The following AMZ1 variants were observed in gnomAD, a reference collection of about 807,000 sequenced individuals.
AMZ1 encodes archaelysin family metallopeptidase 1.
A neutral mutation model predicts 29.9 loss-of-function variants in AMZ1; 39 were observed. The ratio of observed to expected loss-of-function variants is 1.30; its 90% CI spans 1.01 to 1.70. AMZ1 has a LOEUF of 1.70. AMZ1 is among the 40% of genes most tolerant of loss of function. The pLI is 0.00. For missense variants in AMZ1, 1,041 were observed against 680.6 expected (o/e 1.53, Z -5.89); for synonymous variants, 458 against 304.0 (o/e 1.51, Z -5.27).
At chr7:2,733,466 G>C (rs368804687) in intron 4 of AMZ1, 2 of 1,613,778 alleles carry the variant, frequency 1.2e-6, no homozygotes, top group African/African-American at 2.7e-5. Flanking sequence ...GGCCGATCCG[G>C]TCCAAGTTGT....
intron 4 of AMZ1, among the ~76,000 whole-genome samples, chr7:2,724,888 AG>A (rs1789558362): frequency 6.6e-6 from 1 of 152,072 alleles, no homozygotes; most frequent in African/African-American, 2.4e-5. Context: ...TAAGCATGGG[AG>A]CGATTCTCGT....
At chr7:2,699,557 G>C (rs1787932050) in intron 1 of AMZ1, among the ~76,000 whole-genome samples, 1 of 151,964 alleles carries the variant, frequency 6.6e-6, no homozygotes, top group African/African-American at 2.4e-5. Flanking sequence ...ATGCTTGCTG[G>C]GCGCACAGGG....
Position 2,717,804 on chromosome 7 carries a change from C to T in AMZ1, c.*4926C>T, listed in dbSNP as rs1028794392. ...GGAAGAATGGAGGTTTATTTTTGAA[C>T]TCAGCTTCTTGGGTAGGGAGGCAAA... On this transcript the variant is annotated 3_prime_UTR_variant, in exon 7 of 7. Coordinates refer to ENST00000683327, the MANE Select transcript of AMZ1 (RefSeq NM_001384743.1). 6.6e-6 allele frequency among the ~76,000 whole-genome samples: 1 copy of T among 152,170 alleles called. No homozygotes were observed. The highest frequency in any genetic ancestry group is 1.5e-5 in the Non-Finnish European group (1 of 68,028).
rs750082693 is a variant in AMZ1, at chr7:2,712,515, C to A, written c.1134C>A (p.Ala378=). The change falls in exon 7 of 7, where the codon GCC becomes GCA. Residue 378 remains alanine, a synonymous_variant. Transcript: ENST00000683327. ...CTGATGCCGGGAGTCACACCTTCGCCTCGGGGCCAGAGGAAGGGCTGAGCT... is the reference window on the plus strand; with the variant it reads ...CTGATGCCGGGAGTCACACCTTCGCATCGGGGCCAGAGGAAGGGCTGAGCT... ...LTPDAGSHTF[A]SGPEEGLSYL... 6.2e-7 allele frequency: 1 copy of A among 1,608,820 alleles called. No homozygotes were observed. Among genetic ancestry groups the A allele is most frequent in the East Asian group, 2.2e-5 (1 of 44,756 alleles).
rs759678739 is a variant in AMZ1, at chr7:2,709,722, T to A, written c.854T>A (p.Leu285Gln). The part of the protein sequence containing the change: ...LRCLMQGALS[L>Q]DEALRRPLDL... ...TGCCTCATGCAGGGTGCGCTCAGCC[T>A]GGACGAGGCCCTGCGGCGGCCCCTG... Residue 285 changes from leucine to glutamine, a missense_variant, in exon 6 of 7, where the codon CTG becomes CAG. Coordinates refer to ENST00000683327, the MANE Select transcript of AMZ1 (RefSeq NM_001384743.1). 14 of 1,611,328 alleles carry A rather than the reference T, an allele frequency of 8.7e-6. No homozygotes were observed. The highest frequency in any genetic ancestry group is 1.1e-5 in the Non-Finnish European group (13 of 1,179,856).
intron 4 of AMZ1, among the ~76,000 whole-genome samples, chr7:2,755,688 T>C (rs1362925390): frequency 1.3e-5 from 2 of 152,202 alleles, no homozygotes; most frequent in Non-Finnish European, 2.9e-5. Context: ...ACAGGAACAG[T>C]CATATTTCTT....
At chr7:2,725,924 A>G (rs1271117227) in intron 4 of AMZ1, among the ~76,000 whole-genome samples, 1 of 122,300 alleles carries the variant, frequency 8.2e-6, no homozygotes. Flanking sequence ...CGCCCGCTGC[A>G]GTCCCCCCAC....
chr7:2,741,356 TA>T (rs35580979), intron 4 of AMZ1, among the ~76,000 whole-genome samples: 1 of 151,700 alleles, frequency 6.6e-6, no homozygotes, highest in Non-Finnish European at 1.5e-5. Flanking sequence ...CACTGTCTCT[TA>T]AAAAAAACCC....
chr7:2,719,188 G>A lies in AMZ1; in HGVS notation c.*6310G>A, dbSNP rs373506982. On this transcript the variant is annotated 3_prime_UTR_variant, in exon 7 of 7. Coordinates refer to ENST00000683327, the MANE Select transcript of AMZ1 (RefSeq NM_001384743.1). The stretch of plus-strand genomic sequence containing the variant: ...TGTCGGCTGCCAACCCAACTCCTCC[G>A]ACAGAACGGCAGGTGGCCCCTGTCG... 7.2e-5 allele frequency among the ~76,000 whole-genome samples: 11 copies of A among 152,146 alleles called. No individual in the cohort carries two copies. The highest frequency in any genetic ancestry group is 2.7e-4 in the African/African-American group (11 of 41,432).
chr7:2,709,738 G>C lies in AMZ1; in HGVS notation c.870G>C (p.Arg290=), dbSNP rs1483085626. 1 of 1,611,498 alleles carries C rather than the reference G, an allele frequency of 6.2e-7. No individual in the cohort carries two copies. The highest frequency in any genetic ancestry group is 8.5e-7 in the Non-Finnish European group (1 of 1,179,872). The change falls in exon 6 of 7, where the codon CGG becomes CGC. Residue 290 remains arginine (R), a synonymous_variant. Transcript: ENST00000683327. The part of the protein sequence containing the change: ...QGALSLDEAL[R]RPLDLCPICL... ...CGCTCAGCCTGGACGAGGCCCTGCG[G>C]CGGCCCCTGGACCTCTGTCCCATCT...
In AMZ1 at chr7:2,693,640, C is replaced by G. The variant is rs543741822; in HGVS notation, c.-219+5344C>G. 2.0e-5 allele frequency among the ~76,000 whole-genome samples: 3 copies of G among 152,322 alleles called. No individual in the cohort carries two copies. In the South Asian group the frequency reaches 6.2e-4, roughly 32 times the overall value. On this transcript the variant is annotated intron_variant, in intron 1 of 6. Coordinates refer to ENST00000683327, the MANE Select transcript of AMZ1 (RefSeq NM_001384743.1). Reference sequence around the variant, plus strand: ...GCGCGATCTCCGCTCACTGCAAGCTCCGCCTCCCGGGTTCACTCCATTCTC... The same window carrying G: ...GCGCGATCTCCGCTCACTGCAAGCTGCGCCTCCCGGGTTCACTCCATTCTC...
At chr7:2,687,226 C>T (rs984019823), upstream of AMZ1, among the ~76,000 whole-genome samples, 5 of 152,034 alleles carry the variant, frequency 3.3e-5, no homozygotes, top group South Asian at 2.1e-4. Flanking sequence ...ACTCAGGCGG[C>T]TGAGGCAGAA....
In AMZ1 at chr7:2,708,583, C is replaced by A. The variant is rs377680143; in HGVS notation, c.473-5C>A. On this transcript the variant is annotated splice_region_variant and splice_polypyrimidine_tract_variant and intron_variant, in intron 3 of 6. Coordinates refer to ENST00000683327, the MANE Select transcript of AMZ1 (RefSeq NM_001384743.1). ...TGACCCCATCCTCTGGCCCTCTCCC[C>A]GCAGACGGCATCCTGTCCTTCTTGA... The A allele has an allele frequency of 2.5e-6, 4 of 1,612,106 alleles. No individual in the cohort carries two copies. Among genetic ancestry groups the A allele is most frequent in the Middle Eastern group, 1.7e-4 (1 of 6,018 alleles).
chr7:2,736,137 T>G (rs1029936990), intron 4 of AMZ1, among the ~76,000 whole-genome samples: 1 of 152,180 alleles, frequency 6.6e-6, no homozygotes, highest in Non-Finnish European at 1.5e-5. Flanking sequence ...ACTAAGAGAA[T>G]TCAGTCATTT....
At chr7:2,747,832 A>T (rs1790841905) in intron 4 of AMZ1, among the ~76,000 whole-genome samples, 1 of 152,136 alleles carries the variant, frequency 6.6e-6, no homozygotes, top group African/African-American at 2.4e-5. Flanking sequence ...ATATAAAATC[A>T]ATGTACAAAA....
chr7:2,740,066 A>G (rs2115323168), intron 4 of AMZ1, among the ~76,000 whole-genome samples: 1 of 152,228 alleles, frequency 6.6e-6, no homozygotes, highest in South Asian at 2.1e-4. Flanking sequence ...GCCATGTACA[A>G]AGTTTCCAAT....
At chr7:2,709,603 G>T (rs909011061) in intron 5 of AMZ1, 37 bp from the exon 6 acceptor site, 1 of 1,593,390 alleles carries the variant, frequency 6.3e-7, no homozygotes, top group Admixed American at 1.7e-5. Context: ...GCAGGGGCAA[G>T]GCAGTGAGGC....
chr7:2,748,713 A>G (rs1168284513), intron 4 of AMZ1, among the ~76,000 whole-genome samples: 6 of 152,200 alleles, frequency 3.9e-5, no homozygotes, highest in African/African-American at 7.2e-5. Flanking sequence ...TACCATCAGC[A>G]TGAACAGGCA....
At chr7:2,755,040 T>G (rs1791225807) in intron 4 of AMZ1, among the ~76,000 whole-genome samples, 1 of 152,222 alleles carries the variant, frequency 6.6e-6, no homozygotes, top group Non-Finnish European at 1.5e-5. Flanking sequence ...AAGGCTCTCC[T>G]TCTTCACTGA....
Sources: gnomAD v4.1 joint callset for allele counts (sites outside exome capture counted in the v4.1 genomes callset) on GRCh38, gnomAD v4.1.1 for gene constraint, MANE v1.5 for transcripts, NCBI Gene and HGNC (gene_info 2026-07-23, HGNC 2026-07-21) for gene names.